ABL1: variants seen among roughly 807,000 people sequenced by gnomAD.
ABL1 encodes ABL proto-oncogene 1, non-receptor tyrosine kinase.
In ABL1, 11 loss-of-function variants were observed where a neutral mutation model predicts 94.7. That is an observed-to-expected ratio of 0.12 (90% CI 0.07 to 0.19). The LOEUF (loss-of-function observed/expected upper bound fraction) is 0.19. Among genes scored for constraint, ABL1 ranks in the 10% least tolerant of loss-of-function variants. ABL1 has a pLI of 1.00. For synonymous variants in ABL1, 656 were observed against 622.4 expected, an observed-to-expected ratio of 1.05 and a Z score of -0.80; for missense variants, 1,082 against 1,489.4, an observed-to-expected ratio of 0.73 and a Z score of 4.50.
At chr9:130,857,030 A>G (rs1175569183) in intron 3 of ABL1, among the ~76,000 whole-genome samples, 1 of 152,210 alleles carries the variant, frequency 6.6e-6, no homozygotes, top group African/African-American at 2.4e-5. Context: ...AGTTTCATGA[A>G]GTCTTACCTA....
intron 1 of ABL1, chr9:130,724,934 G>A (rs1302909090): frequency 8.6e-6 from 3 of 349,594 alleles, no homozygotes; most frequent in African/African-American, 2.1e-5. Context: ...GCTTGGCGGG[G>A]TAGCCACATT....
chr9:130,753,569 G>T (rs1358103892), intron 1 of ABL1, among the ~76,000 whole-genome samples: 1 of 151,278 alleles, frequency 6.6e-6, no homozygotes. Flanking sequence ...GGGATTACAG[G>T]CATGTGCCAC....
chr9:130,742,859 C>T (rs1588218583), intron 1 of ABL1, among the ~76,000 whole-genome samples: 1 of 151,508 alleles, frequency 6.6e-6, no homozygotes, highest in East Asian at 1.9e-4. Flanking sequence ...CTGTATAATA[C>T]CGTATATTAT....
At chr9:130,722,763 A>G (rs1831532487) in intron 1 of ABL1, among the ~76,000 whole-genome samples, 1 of 152,206 alleles carries the variant, frequency 6.6e-6, no homozygotes, top group African/African-American at 2.4e-5. Context: ...AGAAATTTGT[A>G]ATATAGAAGA....
intron 1 of ABL1, among the ~76,000 whole-genome samples, chr9:130,760,303 T>A (rs914444494): frequency 6.6e-6 from 1 of 152,134 alleles, no homozygotes; most frequent in African/African-American, 2.4e-5. Flanking sequence ...ACTTCTCTAT[T>A]AAGAGCTGGG....
In ABL1 at chr9:130,880,253, C is replaced by G; in HGVS notation, c.1513+96C>G. The G allele has an allele frequency of 7.4e-7, 1 of 1,353,450 alleles. No homozygotes were observed. The highest frequency in any genetic ancestry group is 1.1e-6 in the Non-Finnish European group (1 of 947,560). 83.8% of individuals were successfully genotyped at this position (1,353,450 alleles called of 1,614,324 possible). A position where few individuals can be genotyped will look rare whatever the true frequency, so the allele number is the denominator to read the frequency against. On this transcript the variant is annotated intron_variant, in intron 9 of 10. Coordinates refer to ENST00000318560, the MANE Select transcript of ABL1 (RefSeq NM_005157.6). This position sits in a 1 kb window ranked among gnomAD's most constrained non-coding sequence, Gnocchi z 4.4. The stretch of plus-strand genomic sequence containing the variant: ...TTCGGTTCACTTCCTGGTGAAAGTT[C>G]ACAGACCAGCCTGTCCTGAGACCAG...
chr9:130,824,018 C>T (rs1313493083), intron 1 of ABL1, among the ~76,000 whole-genome samples: 3 of 152,138 alleles, frequency 2.0e-5, no homozygotes, highest in African/African-American at 4.8e-5. Flanking sequence ...ACTATAAATA[C>T]GACTGATTAT....
intron 1 of ABL1, among the ~76,000 whole-genome samples, chr9:130,721,810 A>AG (rs1333934762): frequency 6.7e-5 from 8 of 120,174 alleles, no homozygotes; most frequent in East Asian, 6.5e-4. Flanking sequence ...TAAATTTGTC[A>AG]GGTTTTTTTT....
At chr9:130,830,336 G>A (rs1830479517), upstream of ABL1, among the ~76,000 whole-genome samples, 1 of 152,184 alleles carries the variant, frequency 6.6e-6, no homozygotes, top group Non-Finnish European at 1.5e-5. Context: ...GTCATTTGAA[G>A]GACAGTCATC....
intron 1 of ABL1, among the ~76,000 whole-genome samples, chr9:130,742,014 A>AC (rs1213212657): frequency 6.6e-6 from 1 of 152,024 alleles, no homozygotes; most frequent in African/African-American, 2.4e-5. Flanking sequence ...GGTGCCCTTT[A>AC]CAGAGCAGTT....
At chr9:130,846,039 A>G (rs1247672734) in intron 1 of ABL1, among the ~76,000 whole-genome samples, 1 of 151,488 alleles carries the variant, frequency 6.6e-6, no homozygotes, top group Non-Finnish European at 1.5e-5. Flanking sequence ...GTGTTTTGGG[A>G]TTTGAAGATA....
At chr9:130,735,110 A>C (rs927233128) in intron 1 of ABL1, among the ~76,000 whole-genome samples, 2 of 151,796 alleles carry the variant, frequency 1.3e-5, no homozygotes, top group Non-Finnish European at 1.5e-5. Flanking sequence ...GCTTACCGCA[A>C]CCTCCGCCGC....
chr9:130,733,792 A>G (rs962373572), intron 1 of ABL1, among the ~76,000 whole-genome samples: 41 of 151,656 alleles, frequency 2.7e-4, no homozygotes, highest in Admixed American at 5.9e-4. Flanking sequence ...GGGTTTCACC[A>G]TGTTAGCCAG....
rs376180038 is a variant in ABL1 at position 130,738,072 on chromosome 9, C to T, written c.136+23617C>T. Among the ~76,000 whole-genome samples, 11 of 152,046 alleles carry T rather than the reference C, an allele frequency of 7.2e-5. No homozygotes were observed. In the South Asian group the frequency reaches 1.9e-3, roughly 26 times the overall value. ...GTCTCAAACTCCTGACCTCGTGATCCGCCCACCTCCACCTCCCAAAGTGCT... is the reference window on the plus strand; with the variant it reads ...GTCTCAAACTCCTGACCTCGTGATCTGCCCACCTCCACCTCCCAAAGTGCT... On this transcript the variant is annotated intron_variant, in intron 1 of 10. Transcript: ENST00000372348.
intron 1 of ABL1, among the ~76,000 whole-genome samples, chr9:130,766,137 C>T (rs1046483772): frequency 6.6e-5 from 10 of 152,198 alleles, no homozygotes; most frequent in African/African-American, 1.9e-4. Flanking sequence ...GGCCCCGGGC[C>T]GTGGCATGCG....
intron 1 of ABL1, among the ~76,000 whole-genome samples, chr9:130,721,018 T>C (rs575019252): frequency 6.0e-5 from 8 of 133,656 alleles, no homozygotes; most frequent in African/African-American, 1.7e-4. Context: ...AAAAAAAAAA[T>C]ATTTACCATC....
Position 130,886,820 on chromosome 9 carries a change from G to C in ABL1, c.*1137G>C. ...AGAATAGAGCTGCCACTGGGCACCT[G>C]CGCACAGGTGGGAGGAAAGGGCCTG... On this transcript the variant is annotated 3_prime_UTR_variant, in exon 11 of 11. Coordinates refer to ENST00000318560, the MANE Select transcript of ABL1 (RefSeq NM_005157.6). 4.3e-6 allele frequency: 1 copy of C among 233,340 alleles called. No individual in the cohort carries two copies. The highest frequency in any genetic ancestry group is 1.8e-4 in the South Asian group (1 of 5,526). 14.5% of individuals were successfully genotyped at this position (233,340 alleles called of 1,614,324 possible).
At position 130,807,340 on chromosome 9, in the gene ABL1, C is replaced by A. The variant is rs138612554; in HGVS notation, c.137-46724C>A. Reference sequence around the variant, plus strand: ...CTCAGCTCACTGCAGCCTCCACCTCCTGGGTTCAAGAGATTCTCATGCCTC... The same window carrying A: ...CTCAGCTCACTGCAGCCTCCACCTCATGGGTTCAAGAGATTCTCATGCCTC... On this transcript the variant is annotated intron_variant, in intron 1 of 10. Transcript: ENST00000372348. Among the ~76,000 whole-genome samples, 5 of 151,764 alleles carry A rather than the reference C, an allele frequency of 3.3e-5. 1 individual carries two copies. The highest frequency in any genetic ancestry group is 2.1e-4 in the South Asian group (1 of 4,784).
At chr9:130,755,448 G>A (rs1276518989) in intron 1 of ABL1, among the ~76,000 whole-genome samples, 2 of 152,164 alleles carry the variant, frequency 1.3e-5, no homozygotes, top group African/African-American at 4.8e-5. Flanking sequence ...AGCATTGACA[G>A]AACAGTCTCT....
Sources: allele counts gnomAD v4.1 joint callset (sites outside exome capture counted in the v4.1 genomes callset), GRCh38; gene constraint gnomAD v4.1.1; non-coding constraint Gnocchi (gnomAD v3.1); transcripts MANE v1.5; gene names NCBI Gene and HGNC (gene_info 2026-07-23, HGNC 2026-07-21).